The following BRINP3 variants were observed in gnomAD, a reference collection of about 807,000 sequenced individuals.
BRINP3 encodes BMP/retinoic acid inducible neural specific 3.
A neutral mutation model predicts 71.0 loss-of-function variants in BRINP3; 19 were observed. The observed-to-expected ratio is 0.27, with a 90% confidence interval of 0.19 to 0.39. The LOEUF is 0.39. Ranked by LOEUF, BRINP3 falls within the 10% of genes least tolerant of loss-of-function variation. The pLI, the probability that BRINP3 is intolerant of heterozygous loss-of-function variation, is 1.00. For synonymous variants in BRINP3, 380 were observed against 337.7 expected (o/e 1.13, Z -1.37); for missense variants, 959 against 940.8 (o/e 1.02, Z -0.25).
At chr1:190,343,362 C>T (rs1469831517) in intron 2 of BRINP3, among the ~76,000 whole-genome samples, 1 of 151,740 alleles carries the variant, frequency 6.6e-6, no homozygotes, top group Non-Finnish European at 1.5e-5. Flanking sequence ...AAACTTTGCA[C>T]AGTAAAGTGA....
intron 2 of BRINP3, among the ~76,000 whole-genome samples, chr1:190,339,299 G>T (rs537679763): frequency 7.9e-5 from 12 of 152,012 alleles, no homozygotes; most frequent in African/African-American, 2.9e-4. Context: ...TTTGAAAAAG[G>T]ATTGTAATCC....
At chr1:190,464,125 C>A (rs1236973750) in intron 1 of BRINP3, among the ~76,000 whole-genome samples, 6 of 147,390 alleles carry the variant, frequency 4.1e-5, no homozygotes, top group Non-Finnish European at 9.0e-5. Flanking sequence ...AAAATTACGT[C>A]TTTCAAAAAG....
At chr1:190,278,404 G>T (rs1389579398) in intron 3 of BRINP3, among the ~76,000 whole-genome samples, 1 of 151,490 alleles carries the variant, frequency 6.6e-6, no homozygotes, top group East Asian at 1.9e-4. Flanking sequence ...ACAATTTCAT[G>T]TTCAATCAGG....
At chr1:190,240,365 A>G (rs1312335816) in intron 4 of BRINP3, among the ~76,000 whole-genome samples, 3 of 152,112 alleles carry the variant, frequency 2.0e-5, no homozygotes, top group African/African-American at 7.2e-5. Flanking sequence ...TGTTAAATTT[A>G]TATAGTTTAT....
At chr1:190,413,015 A>C (rs1672791230) in intron 2 of BRINP3, among the ~76,000 whole-genome samples, 1 of 152,238 alleles carries the variant, frequency 6.6e-6, no homozygotes, top group Non-Finnish European at 1.5e-5. Flanking sequence ...TAAAATTTTT[A>C]AAAATCTCTT....
At chr1:190,343,089 TG>T (rs1251103444) in intron 2 of BRINP3, among the ~76,000 whole-genome samples, 1 of 151,734 alleles carries the variant, frequency 6.6e-6, no homozygotes, top group Non-Finnish European at 1.5e-5. Context: ...AAGTACAGGT[TG>T]AAGTTAAGAT....
chr1:190,174,091 G>T (rs928796813), intron 6 of BRINP3, among the ~76,000 whole-genome samples: 2 of 152,124 alleles, frequency 1.3e-5, no homozygotes, highest in African/African-American at 4.8e-5. Flanking sequence ...AAGTACGGCT[G>T]CAAAGAATAA....
chr1:190,328,733 A>G (rs1469495785), intron 2 of BRINP3, among the ~76,000 whole-genome samples: 1 of 151,828 alleles, frequency 6.6e-6, no homozygotes, highest in African/African-American at 2.4e-5. Flanking sequence ...AAAAAAAAAA[A>G]AAAATACAGG....
At chr1:190,342,327 TG>T (rs565690897) in intron 2 of BRINP3, 211 of 143,186 alleles carry the variant, frequency 1.5e-3, no homozygotes, top group African/African-American at 5.4e-3. Context: ...TGTTGACATT[TG>T]GGGGGCCACT....
chr1:190,372,491 G>A (rs972361907), intron 2 of BRINP3, among the ~76,000 whole-genome samples: 2 of 152,136 alleles, frequency 1.3e-5, no homozygotes, highest in African/African-American at 4.8e-5. Context: ...TTCCAGAAAG[G>A]TTCTGACTGT....
rs1653240109 is a variant in BRINP3 at position 190,183,628 on chromosome 1, C to T, written c.962-22738G>A. Among the ~76,000 whole-genome samples the T allele has an allele frequency of 2.0e-5, 3 of 152,210 alleles. No homozygotes were observed. The South Asian group carries it at 6.2e-4, about 32-fold the overall frequency. On this transcript the variant is annotated intron_variant, in intron 6 of 7. Transcript: ENST00000367462. ...ATGGGGGATGGATGCCTCATTAATG[C>T]TCTGCAGATATCTCCACTGATACTG...
chr1:190,156,151 A>T (rs1571862154), intron 7 of BRINP3, among the ~76,000 whole-genome samples: 1 of 152,132 alleles, frequency 6.6e-6, no homozygotes, highest in African/African-American at 2.4e-5. Context: ...AAATGGTGAG[A>T]TTAATCTGAA....
chr1:190,277,479 T>C (rs1344358062), intron 3 of BRINP3, among the ~76,000 whole-genome samples: 2 of 151,682 alleles, frequency 1.3e-5, no homozygotes, highest in Admixed American at 1.3e-4. Context: ...TATAAATATT[T>C]TGTTATAACA....
chr1:190,383,280 G>A (rs895300274), intron 2 of BRINP3, among the ~76,000 whole-genome samples: 2 of 152,120 alleles, frequency 1.3e-5, no homozygotes, highest in East Asian at 3.9e-4. Context: ...TATTATTCAT[G>A]GAAGTCATTA....
At chr1:190,295,066 T>C (rs531871692) in intron 2 of BRINP3, among the ~76,000 whole-genome samples, 1 of 151,988 alleles carries the variant, frequency 6.6e-6, no homozygotes, top group East Asian at 2.0e-4. Flanking sequence ...AGGTACTGAA[T>C]TGCACCCAAA....
chr1:190,209,582 A>G (rs1218856740), intron 6 of BRINP3, among the ~76,000 whole-genome samples: 1 of 152,166 alleles, frequency 6.6e-6, no homozygotes, highest in Non-Finnish European at 1.5e-5. Flanking sequence ...TTTGCTGAAG[A>G]GCATGAGTGA....
At chr1:190,253,516 T>C (rs1327359232) in intron 4 of BRINP3, among the ~76,000 whole-genome samples, 1 of 152,208 alleles carries the variant, frequency 6.6e-6, no homozygotes, top group Non-Finnish European at 1.5e-5. Flanking sequence ...TGTGTTTCTC[T>C]GATGACCAGT....
At chr1:190,172,717 G>A (rs2102502308) in intron 6 of BRINP3, among the ~76,000 whole-genome samples, 1 of 152,232 alleles carries the variant, frequency 6.6e-6, no homozygotes, top group Non-Finnish European at 1.5e-5. Flanking sequence ...GGACGTGGAA[G>A]GCTGACAGGA....
chr1:190,109,642 C>T (rs1280990146), intron 7 of BRINP3, among the ~76,000 whole-genome samples: 5 of 152,176 alleles, frequency 3.3e-5, no homozygotes. Flanking sequence ...GTGCTCTCAC[C>T]CAATGTGGGC....
Sources: allele counts gnomAD v4.1 joint callset (sites outside exome capture counted in the v4.1 genomes callset), GRCh38; gene constraint gnomAD v4.1.1; transcripts MANE v1.5; gene names NCBI Gene and HGNC (gene_info 2026-07-23, HGNC 2026-07-21).